The following TMEM38B variants were observed in gnomAD, a reference collection of about 807,000 sequenced individuals.
TMEM38B encodes the protein trimeric intracellular cation channel type B.
In TMEM38B, 24 loss-of-function variants were observed where a neutral mutation model predicts 28.7. The observed-to-expected ratio is 0.84, with a 90% CI of 0.61 to 1.18. The LOEUF (loss-of-function observed/expected upper bound fraction) is 1.18, where lower values mean the gene tolerates loss of function less well. Among genes scored for constraint, TMEM38B ranks in the 50% most tolerant of loss-of-function variants. TMEM38B has a pLI of 0.00. For missense variants in TMEM38B, 380 were observed against 350.9 expected, an observed-to-expected ratio of 1.08 and a Z score of -0.66; for synonymous variants, 131 against 127.7, an observed-to-expected ratio of 1.03 and a Z score of -0.17.
intron 2 of TMEM38B, among the ~76,000 whole-genome samples, chr9:105,713,336 G>A (rs1457667827): frequency 6.6e-6 from 1 of 152,216 alleles, no homozygotes; most frequent in Non-Finnish European, 1.5e-5. Context: ...TGTGGGGTCT[G>A]GGAAGGGCCC....
chr9:105,749,028 G>A, intron 5 of TMEM38B: 1 of 1,273,020 alleles, frequency 7.9e-7, no homozygotes, highest in Non-Finnish European at 1.0e-6. Flanking sequence ...ATAAATATGT[G>A]TCTTAGAATG....
chr9:105,773,895 A>G lies in TMEM38B; in HGVS notation c.691A>G (p.Met231Val), dbSNP rs1392239208. 1.9e-6 allele frequency: 3 copies of G among 1,613,542 alleles called. No individual in the cohort carries two copies. The highest frequency in any genetic ancestry group is 1.3e-5 in the African/African-American group (1 of 74,900). ...CATGATGACTACACAGACTTCTACT[A>G]TGACATTTGCTCCTTTTGAGGATAC... The part of the protein sequence containing the change: ...ITMMTTQTST[M>V]TFAPFEDTLS... Residue 231 changes from methionine (M) to valine (V), a missense_variant, in exon 6 of 6, where the codon ATG (methionine) becomes GTG (valine). Physicochemically the swap from Met to Val is conservative, Grantham distance 21 (BLOSUM62 1). Coordinates refer to ENST00000374692, the MANE Select transcript of TMEM38B (RefSeq NM_018112.3).
intron 1 of TMEM38B, among the ~76,000 whole-genome samples, chr9:105,703,019 A>G (rs1467145327): frequency 6.6e-6 from 1 of 151,168 alleles, no homozygotes. Flanking sequence ...ATATGTAATT[A>G]TTTGCATTTT....
intron 4 of TMEM38B, among the ~76,000 whole-genome samples, chr9:105,734,647 T>G (rs1444065328): frequency 2.0e-5 from 3 of 152,148 alleles, no homozygotes; most frequent in African/African-American, 7.2e-5. Flanking sequence ...ATAATTATTA[T>G]GTCTTCTTGA....
chr9:105,766,879 A>G (rs978349919), intron 5 of TMEM38B, among the ~76,000 whole-genome samples: 69 of 135,518 alleles, frequency 5.1e-4, no homozygotes, highest in African/African-American at 1.7e-3. Flanking sequence ...TCTTAGTGCT[A>G]TCCCTCCCCC....
In TMEM38B at chr9:105,742,178, T is replaced by A. The variant is rs1158316725; in HGVS notation, c.543-5895T>A. 3.3e-5 allele frequency among the ~76,000 whole-genome samples: 5 copies of A among 152,152 alleles called. No homozygotes were observed. In the South Asian group the frequency reaches 1.0e-3, roughly 32 times the overall value. Reference sequence around the variant, plus strand: ...CATGCCAGAATCAGGCTGATAAAACTGCTCAGCTGCAAACATATGCTTGAA... The same window carrying A: ...CATGCCAGAATCAGGCTGATAAAACAGCTCAGCTGCAAACATATGCTTGAA... On this transcript the variant is annotated intron_variant, in intron 4 of 5. Transcript: ENST00000374692.
intron 5 of TMEM38B, among the ~76,000 whole-genome samples, chr9:105,749,727 C>T (rs1837575282): frequency 6.6e-6 from 1 of 152,184 alleles, no homozygotes; most frequent in South Asian, 2.1e-4. Context: ...ACATTTTCCC[C>T]AATACTTCCA....
intron 2 of TMEM38B, among the ~76,000 whole-genome samples, chr9:105,712,103 C>T (rs542051900): frequency 3.3e-5 from 5 of 152,178 alleles, no homozygotes; most frequent in East Asian, 3.9e-4. Flanking sequence ...TTAGTGCAGC[C>T]GGGGTTTCAC....
chr9:105,752,591 C>T (rs985193608), intron 5 of TMEM38B, among the ~76,000 whole-genome samples: 1 of 152,166 alleles, frequency 6.6e-6, no homozygotes, highest in African/African-American at 2.4e-5. Flanking sequence ...CTGTGGTAGA[C>T]TGGCCTGACT....
At chr9:105,732,787 C>T (rs557765095) in intron 4 of TMEM38B, among the ~76,000 whole-genome samples, 3 of 152,036 alleles carry the variant, frequency 2.0e-5, no homozygotes, top group Non-Finnish European at 2.9e-5. Flanking sequence ...GTCTTGGCAG[C>T]GTGGGCTCTT....
intron 2 of TMEM38B, among the ~76,000 whole-genome samples, chr9:105,717,422 A>AG (rs60452803): frequency 0.4 from 61,469 of 152,028 alleles, 13,831 homozygotes; most frequent in African/African-American, 0.59. Context: ...GAATGTTTTT[A>AG]AAACACTATT....
At chr9:105,742,196 T>C (rs59314159) in intron 4 of TMEM38B, among the ~76,000 whole-genome samples, 5,218 of 152,226 alleles carry the variant, frequency 0.034, 235 homozygotes, top group African/African-American at 0.1. Context: ...TGCAAACATA[T>C]GCTTGAAAAA....
intron 4 of TMEM38B, among the ~76,000 whole-genome samples, chr9:105,741,248 A>G (rs564567445): frequency 3.3e-5 from 5 of 152,270 alleles, no homozygotes; most frequent in African/African-American, 1.2e-4. Context: ...AGCTTGTTAT[A>G]ATTTATTACA....
At chr9:105,718,518 A>G (rs1249640718) in intron 2 of TMEM38B, among the ~76,000 whole-genome samples, 1 of 152,194 alleles carries the variant, frequency 6.6e-6, no homozygotes, top group Non-Finnish European at 1.5e-5. Flanking sequence ...GATTACAGGC[A>G]TGAGCCACCG....
At chr9:105,739,377 C>T (rs540783277) in intron 4 of TMEM38B, among the ~76,000 whole-genome samples, 23 of 150,318 alleles carry the variant, frequency 1.5e-4, no homozygotes, top group South Asian at 1.5e-3. Flanking sequence ...TTGAGGCTTC[C>T]GTAAAAATCC....
Position 105,705,904 on chromosome 9 carries a change from T to G in TMEM38B, c.269+151T>G. 1.4e-5 allele frequency: 7 copies of G among 505,406 alleles called. No homozygotes were observed. The Admixed American group carries it at 2.2e-4, about 16-fold the overall frequency. 31.3% of individuals were successfully genotyped at this position (505,406 alleles called of 1,614,324 possible). On this transcript the variant is annotated intron_variant, in intron 2 of 5. Coordinates refer to ENST00000374692, the MANE Select transcript of TMEM38B (RefSeq NM_018112.3). ...AGGAACCCAAATAATGCTAAGGGGT[T>G]TTTTTTTTTTTTTTGAGACGGAGTC...
At chr9:105,759,843 G>A (rs1588467031) in intron 5 of TMEM38B, 1 of 1,595,172 alleles carries the variant, frequency 6.3e-7, no homozygotes. Context: ...AGCTTTGTAG[G>A]TCTCAGAGTT....
intron 5 of TMEM38B, among the ~76,000 whole-genome samples, chr9:105,753,869 G>A (rs547990545): frequency 6.6e-6 from 1 of 152,196 alleles, no homozygotes; most frequent in African/African-American, 2.4e-5. Flanking sequence ...ACACAGAATG[G>A]CAGGCTGGAT....
chr9:105,738,707 ATTTTTTCCTTTTT>A (rs1225482527), intron 4 of TMEM38B, among the ~76,000 whole-genome samples: 10 of 122,916 alleles, frequency 8.1e-5, no homozygotes, highest in Non-Finnish European at 1.1e-4. Context: ...ATATGAGTTA[ATTTTTTCCTTTTT>A]TTTTTTTTTT....
Sources: gnomAD v4.1 joint callset for allele counts (sites outside exome capture counted in the v4.1 genomes callset) on GRCh38, gnomAD v4.1.1 for gene constraint, MANE v1.5 for transcripts, NCBI Gene and HGNC (gene_info 2026-07-23, HGNC 2026-07-21) for gene names.